MCM9: variants seen among roughly 807,000 people sequenced by gnomAD.
The protein encoded by MCM9 is DNA helicase MCM9.
In MCM9, 55 loss-of-function variants were observed where a neutral mutation model predicts 72.8. The ratio of observed to expected loss-of-function variants is 0.76; its 90% CI spans 0.61 to 0.95. MCM9 has a LOEUF of 0.95. Ranked by LOEUF, MCM9 falls within the 40% of genes least tolerant of loss-of-function variation. The pLI is 0.00. For missense variants in MCM9, 1,279 were observed against 1,377.0 expected (o/e 0.93, Z 1.13); for synonymous variants, 480 against 503.4 (o/e 0.95, Z 0.62).
rs1305444355 is a variant in MCM9 at position 118,814,955 on chromosome 6, T to C, written c.3301A>G (p.Arg1101Gly). Residue 1101 changes from arginine to glycine, a missense_variant, in exon 14 of 14, where the codon AGG (arginine) becomes GGG (glycine). Transcript: ENST00000619706. The stretch of plus-strand genomic sequence containing the variant: ...GACCCACGGAGCTGAAAAGATTTCC[T>C]TTTACTGACACGCATTGGAGCTGTG... ...TTTAPMRVSKRKSFQLRGSTE... is the reference protein window; with the variant it reads ...TTTAPMRVSKGKSFQLRGSTE... 4.5e-6 allele frequency: 7 copies of C among 1,550,348 alleles called. No individual in the cohort carries two copies. The Admixed American group carries it at 1.4e-4, about 30-fold the overall frequency.
At chr6:118,843,734 A>ATGTATGTGTG (rs1286214836) in intron 9 of MCM9, among the ~76,000 whole-genome samples, 4 of 136,428 alleles carry the variant, frequency 2.9e-5, no homozygotes, top group South Asian at 2.3e-4. Context: ...ATATATATAT[A>ATGTATGTGTG]TATATATGAG....
At chr6:118,867,802 C>T (rs942639434) in intron 8 of MCM9, among the ~76,000 whole-genome samples, 21 of 151,852 alleles carry the variant, frequency 1.4e-4, no homozygotes, top group African/African-American at 4.8e-4. Context: ...TGATATATGA[C>T]TGTATATTGT....
At chr6:118,894,428 G>A (rs1779201575) in intron 8 of MCM9, 1 of 1,536,974 alleles carries the variant, frequency 6.5e-7, no homozygotes, top group South Asian at 1.2e-5. Flanking sequence ...CAAAGGTTCA[G>A]GTGAACAATG....
At chr6:118,824,742 T>A (rs1342750473) in intron 13 of MCM9, among the ~76,000 whole-genome samples, 1 of 152,216 alleles carries the variant, frequency 6.6e-6, no homozygotes, top group Non-Finnish European at 1.5e-5. Context: ...GAGAACTCTT[T>A]CCAAAACAGT....
chr6:118,925,251 G>A (rs754063482), intron 3 of MCM9, among the ~76,000 whole-genome samples: 15 of 152,096 alleles, frequency 9.9e-5, no homozygotes, highest in Non-Finnish European at 1.6e-4. Flanking sequence ...CTGTTATGCC[G>A]GTTCATGTCT....
chr6:118,876,960 A>G (rs1056946395), intron 8 of MCM9, among the ~76,000 whole-genome samples: 2 of 152,188 alleles, frequency 1.3e-5, no homozygotes, highest in African/African-American at 4.8e-5. Context: ...TGACCCATAC[A>G]GTATGGTGAA....
intron 3 of MCM9, among the ~76,000 whole-genome samples, chr6:118,930,806 G>T (rs1022707): frequency 0.58 from 88,290 of 152,000 alleles, 26,187 homozygotes; most frequent in East Asian, 0.69. Flanking sequence ...AAATTCTTAA[G>T]TCAACTCTAT....
chr6:118,839,230 C>T (rs934439800), intron 9 of MCM9, among the ~76,000 whole-genome samples: 1 of 151,948 alleles, frequency 6.6e-6, no homozygotes, highest in Middle Eastern at 3.4e-3. Context: ...ATTGATACTT[C>T]CGTATGCTTC....
chr6:118,815,595 C>A lies in MCM9; in HGVS notation c.2661G>T (p.Met887Ile). 1 of 1,550,482 alleles carries A rather than the reference C, an allele frequency of 6.4e-7. No individual in the cohort carries two copies. Among genetic ancestry groups the A allele is most frequent in the Non-Finnish European group, 8.7e-7 (1 of 1,146,946 alleles). ...GTCTCTTTCTTTTGGGTGAGTCCAG[C>A]ATTCTGTCTGGGCTATGTACAGGAG... The part of the protein sequence containing the change: ...QSTPVHSPDR[M>I]LDSPKRKRPK... Residue 887 changes from methionine (M) to isoleucine (I), a missense_variant, in exon 14 of 14, where the codon ATG (methionine) becomes ATT (isoleucine). Met to Ile is a conservative substitution (Grantham distance 10). Transcript: ENST00000619706.
chr6:118,913,496 T>C (rs1267360234), intron 6 of MCM9, 76 bp from the exon 7 acceptor site: 2 of 1,572,118 alleles, frequency 1.3e-6, no homozygotes, highest in Non-Finnish European at 1.7e-6. Flanking sequence ...TCCTTTCCTA[T>C]CTGACCATCC....
At chr6:118,893,916 G>T in intron 8 of MCM9, 9 of 583,214 alleles carry the variant, frequency 1.5e-5, no homozygotes, top group Non-Finnish European at 1.9e-5. Context: ...CGGCCGGATC[G>T]CGCCCTCCCG....
chr6:118,848,529 C>T (rs1776024070), intron 9 of MCM9, among the ~76,000 whole-genome samples: 1 of 151,848 alleles, frequency 6.6e-6, no homozygotes, highest in African/African-American at 2.4e-5. Flanking sequence ...GTTATACCGT[C>T]TACATCAGCA....
intron 9 of MCM9, among the ~76,000 whole-genome samples, chr6:118,840,411 G>A (rs1775269531): frequency 6.6e-6 from 1 of 152,036 alleles, no homozygotes; most frequent in Non-Finnish European, 1.5e-5. Context: ...ATAGCAGTTA[G>A]CCTACTCTGG....
At position 118,923,920 on chromosome 6, in the gene MCM9, G is replaced by A. The variant is rs374387921; in HGVS notation, c.512C>T (p.Ser171Leu). The change falls in exon 4 of 14, where the codon TCG (serine) becomes TTG (leucine). Residue 171 changes from serine to leucine, a missense_variant. Transcript: ENST00000619706. The part of the protein sequence containing the change: ...EQYYTFCRPS[S>L]CPSLESCDSS... ...ATCACAGCTCTCCAAGCTGGGACAC[G>A]AGGATGGCCGGCAAAAGGTGTAATA... is the stretch of plus-strand genomic sequence containing the variant. 1.4e-5 allele frequency: 23 copies of A among 1,614,092 alleles called. No homozygotes were observed. The highest frequency in any genetic ancestry group is 1.6e-4 in the Middle Eastern group (1 of 6,084).
intron 8 of MCM9, among the ~76,000 whole-genome samples, chr6:118,886,199 T>TA (rs1017936935): frequency 6.6e-5 from 10 of 152,142 alleles, no homozygotes; most frequent in African/African-American, 2.4e-4. Context: ...AAGAAGCATC[T>TA]AAAAAAACCT....
intron 9 of MCM9, among the ~76,000 whole-genome samples, chr6:118,838,035 G>A (rs1005386509): frequency 5.9e-5 from 9 of 152,088 alleles, no homozygotes; most frequent in African/African-American, 1.4e-4. Flanking sequence ...TCCTTCAGGA[G>A]CTCTTGTAAG....
At chr6:118,890,110 T>TG (rs1167385688) in intron 8 of MCM9, among the ~76,000 whole-genome samples, 2 of 152,190 alleles carry the variant, frequency 1.3e-5, no homozygotes, top group Non-Finnish European at 2.9e-5. Flanking sequence ...AGCTTTGCCT[T>TG]GGCTGGGTCT....
At position 118,852,181 on chromosome 6, in the gene MCM9, A is replaced by T. The variant is rs145094803; in HGVS notation, c.1325+4190T>A. Among the ~76,000 whole-genome samples the T allele has an allele frequency of 3.8e-3, 584 of 152,314 alleles. 6 individuals carry two copies. Among genetic ancestry groups the T allele is most frequent in the African/African-American group, 0.013 (557 of 41,560 alleles). On this transcript the variant is annotated intron_variant, in intron 9 of 13. Coordinates refer to ENST00000619706, the MANE Select transcript of MCM9 (RefSeq NM_017696.3). ...TATTTGTGCATCTAAACATATCTAA[A>T]CACAGCAAAAATAAGGTATTCTAAT... is the stretch of plus-strand genomic sequence containing the variant.
intron 8 of MCM9, among the ~76,000 whole-genome samples, chr6:118,873,798 A>G (rs1777766565): frequency 6.6e-6 from 1 of 152,220 alleles, no homozygotes; most frequent in South Asian, 2.1e-4. Flanking sequence ...TTACCTTAAT[A>G]CCACACCAGA....
Sources: gnomAD v4.1 joint callset for allele counts (sites outside exome capture counted in the v4.1 genomes callset) on GRCh38, gnomAD v4.1.1 for gene constraint, MANE v1.5 for transcripts, NCBI Gene and HGNC (gene_info 2026-07-23, HGNC 2026-07-21) for gene names.